DTNA: variants seen among roughly 807,000 people sequenced by gnomAD.
DTNA encodes the protein dystrobrevin alpha, also known as dystrophin-related protein 3.
In DTNA, 43 loss-of-function variants were observed where a neutral mutation model predicts 100.7. The observed-to-expected ratio is 0.43, with a 90% CI of 0.33 to 0.55. The LOEUF is 0.55. Ranked by LOEUF, DTNA falls within the 20% of genes least tolerant of loss-of-function variation. DTNA has a pLI of 0.04. For missense variants in DTNA, 798 were observed against 953.9 expected (o/e 0.84, Z 2.15); for synonymous variants, 349 against 347.9 (o/e 1.00, Z -0.04).
intron 5 of DTNA, among the ~76,000 whole-genome samples, chr18:34,810,284 T>G (rs1407887188): frequency 2.0e-5 from 3 of 152,176 alleles, no homozygotes; most frequent in Non-Finnish European, 2.9e-5. Context: ...ACTGACCTAC[T>G]TTAAATTCTT....
intron 1 of DTNA, among the ~76,000 whole-genome samples, chr18:34,599,351 A>G (rs562482080): frequency 2.0e-5 from 3 of 152,326 alleles, no homozygotes; most frequent in Non-Finnish European, 2.9e-5. Flanking sequence ...ACTCTAAACT[A>G]GCTCTTGAAT....
intron 17 of DTNA, among the ~76,000 whole-genome samples, chr18:34,870,091 G>T (rs886434502): frequency 5.3e-5 from 8 of 152,196 alleles, no homozygotes; most frequent in Non-Finnish European, 7.3e-5. Flanking sequence ...TTACAATAAG[G>T]ATCCATTTTT....
chr18:34,748,227 T>G (rs2091897257), intron 1 of DTNA, among the ~76,000 whole-genome samples: 1 of 36,214 alleles, frequency 2.8e-5, no homozygotes, highest in African/African-American at 5.2e-5. Context: ...AGATGCATAG[T>G]TTGAGAAGAT....
chr18:34,607,357 G>A lies in DTNA; in HGVS notation c.-2+113843G>A, dbSNP rs566021407. 3.6e-4 allele frequency among the ~76,000 whole-genome samples: 55 copies of A among 152,330 alleles called. No individual in the cohort carries two copies. The South Asian group carries it at 0.011, about 31-fold the overall frequency. On this transcript the variant is annotated intron_variant, in intron 1 of 19. Coordinates refer to the DTNA transcript ENST00000283365. ...AAAGAAGGCAAGAATACAGACTGAG[G>A]AGAAAGAGAATATTGCAATAGTCTG... is the stretch of plus-strand genomic sequence containing the variant.
upstream of DTNA, among the ~76,000 whole-genome samples, chr18:34,709,921 A>G (rs2082585773): frequency 6.6e-6 from 1 of 152,204 alleles, no homozygotes; most frequent in Non-Finnish European, 1.5e-5. Context: ...CTGTGGGATT[A>G]TTGCTGCATT....
intron 1 of DTNA, among the ~76,000 whole-genome samples, chr18:34,553,176 CT>C (rs1331030750): frequency 6.6e-6 from 1 of 151,552 alleles, no homozygotes; most frequent in Non-Finnish European, 1.5e-5. Flanking sequence ...TAAATGTCTT[CT>C]TTTGAGAAGT....
intron 1 of DTNA, among the ~76,000 whole-genome samples, chr18:34,526,469 A>G (rs1159755376): frequency 6.6e-6 from 1 of 151,678 alleles, no homozygotes; most frequent in Non-Finnish European, 1.5e-5. Context: ...ACCTCTATCA[A>G]GGGTTTTGGT....
intron 5 of DTNA, among the ~76,000 whole-genome samples, chr18:34,808,447 AG>A (rs2095416839): frequency 6.6e-6 from 1 of 152,186 alleles, no homozygotes; most frequent in Admixed American, 6.5e-5. Flanking sequence ...TTAGAGAAAA[AG>A]TATGACAGCA....
At chr18:34,824,490 AT>A (rs1352915658) in intron 9 of DTNA, among the ~76,000 whole-genome samples, 12 of 149,642 alleles carry the variant, frequency 8.0e-5, no homozygotes, top group Admixed American at 6.0e-4. Flanking sequence ...AAAAAAAAAA[AT>A]TTTTTTTACT....
chr18:34,672,706 T>TA (rs2076918473), intron 1 of DTNA, among the ~76,000 whole-genome samples: 1 of 152,170 alleles, frequency 6.6e-6, no homozygotes, highest in Non-Finnish European at 1.5e-5. Flanking sequence ...TGAATATGTA[T>TA]AGATTGCTAA....
chr18:34,665,132 C>A (rs2075728028), intron 1 of DTNA, among the ~76,000 whole-genome samples: 1 of 152,012 alleles, frequency 6.6e-6, no homozygotes, highest in Admixed American at 6.6e-5. Context: ...AGGGCAAGAC[C>A]TGAGCATTCT....
At chr18:34,665,569 C>T (rs564306890) in intron 1 of DTNA, among the ~76,000 whole-genome samples, 1 of 152,100 alleles carries the variant, frequency 6.6e-6, no homozygotes, top group Non-Finnish European at 1.5e-5. Context: ...GCTATCCCTC[C>T]CCACTCCCTC....
rs1046431993 is a variant in DTNA, at chr18:34,815,043, G to C, written c.604-866G>C. Among the ~76,000 whole-genome samples, 4 of 151,430 alleles carry C rather than the reference G, an allele frequency of 2.6e-5. No homozygotes were observed. In the South Asian group the frequency reaches 8.4e-4, roughly 32 times the overall value. On this transcript the variant is annotated intron_variant, in intron 6 of 22. Transcript: ENST00000444659. Reference sequence around the variant, plus strand: ...GTAGGAGGAGGTAGGAAGACAGCTTGAGACCAGGAGTTAGAGTCCAGCCTG... The same window carrying C: ...GTAGGAGGAGGTAGGAAGACAGCTTCAGACCAGGAGTTAGAGTCCAGCCTG...
chr18:34,716,477 C>A (rs943974420), intron 1 of DTNA, among the ~76,000 whole-genome samples: 1 of 152,002 alleles, frequency 6.6e-6, no homozygotes, highest in South Asian at 2.1e-4. Context: ...GCAAGAGAAT[C>A]GCTTGAACCC....
chr18:34,696,759 A>G (rs936862685), intron 1 of DTNA, among the ~76,000 whole-genome samples: 1 of 151,962 alleles, frequency 6.6e-6, no homozygotes, highest in African/African-American at 2.4e-5. Context: ...ATTTTTTTTT[A>G]ATTTAAATGA....
Position 34,844,161 on chromosome 18 carries a change from A to G in DTNA, c.1347-4135A>G, listed in dbSNP as rs372079341. Reference sequence around the variant, plus strand: ...TGAGAGTTTTTAGAAGATAGAATGCATGACCTCAACTGTAACATAGGGGGT... The same window carrying G: ...TGAGAGTTTTTAGAAGATAGAATGCGTGACCTCAACTGTAACATAGGGGGT... On this transcript the variant is annotated intron_variant, in intron 13 of 22. Transcript: ENST00000444659. Among the ~76,000 whole-genome samples the G allele has an allele frequency of 2.0e-5, 3 of 152,256 alleles. No homozygotes were observed. In the East Asian group the frequency reaches 5.8e-4, roughly 29 times the overall value.
At chr18:34,721,713 A>C (rs1470434784) in intron 1 of DTNA, among the ~76,000 whole-genome samples, 5 of 152,210 alleles carry the variant, frequency 3.3e-5, no homozygotes, top group African/African-American at 1.2e-4. Flanking sequence ...TGCAACACCC[A>C]AACAATATAC....
At chr18:34,674,034 A>T (rs367949616) in intron 1 of DTNA, among the ~76,000 whole-genome samples, 1 of 152,214 alleles carries the variant, frequency 6.6e-6, no homozygotes, top group Admixed American at 6.5e-5. Context: ...CTGTGATTTG[A>T]TGGAAATGAA....
chr18:34,556,710 CTGGCT>C (rs201255753), intron 1 of DTNA, among the ~76,000 whole-genome samples: 13,812 of 151,940 alleles, frequency 0.091, 604 homozygotes, highest in South Asian at 0.11. Flanking sequence ...CCACTCTCTT[CTGGCT>C]TGTAGGGTTT....
Sources: allele counts gnomAD v4.1 joint callset (sites outside exome capture counted in the v4.1 genomes callset), GRCh38; gene constraint gnomAD v4.1.1; transcripts MANE v1.5; gene names NCBI Gene and HGNC (gene_info 2026-07-23, HGNC 2026-07-21).